LIN28B: variants seen among roughly 807,000 people sequenced by gnomAD.
LIN28B encodes lin-28 RNA binding posttranscriptional regulator B.
LIN28B carries 5 observed loss-of-function variants against 21.9 expected under a neutral mutation model. The ratio of observed to expected loss-of-function variants is 0.23; its 90% CI spans 0.12 to 0.48. The LOEUF (loss-of-function observed/expected upper bound fraction) is 0.48. Among genes scored for constraint, LIN28B ranks in the 20% least tolerant of loss-of-function variants. The probability of loss-of-function intolerance (pLI) is 0.98; values close to 1 mark genes in which losing one functional copy is unlikely to be tolerated. For missense variants in LIN28B, 245 were observed against 310.5 expected (o/e 0.79, Z 1.58); for synonymous variants, 109 against 111.3 (o/e 0.98, Z 0.13).
At chr6:105,070,473 A>C (rs1772309712) in intron 3 of LIN28B, among the ~76,000 whole-genome samples, 1 of 152,160 alleles carries the variant, frequency 6.6e-6, no homozygotes, top group Non-Finnish European at 1.5e-5. Flanking sequence ...CAGCCAGGCA[A>C]GGTGGCTAAT....
At chr6:104,980,929 A>G (rs1770209162) in intron 2 of LIN28B, among the ~76,000 whole-genome samples, 1 of 152,142 alleles carries the variant, frequency 6.6e-6, no homozygotes, top group Admixed American at 6.6e-5. Flanking sequence ...ATATTCTGCC[A>G]TATATTTTCA....
chr6:105,075,953 G>A (rs1772416569), intron 3 of LIN28B, among the ~76,000 whole-genome samples: 1 of 152,162 alleles, frequency 6.6e-6, no homozygotes, highest in South Asian at 2.1e-4. Context: ...TTTTATAGAT[G>A]GGCAACTTTA....
intron 2 of LIN28B, among the ~76,000 whole-genome samples, chr6:104,965,616 G>A (rs1769838765): frequency 6.6e-6 from 1 of 152,128 alleles, no homozygotes; most frequent in Admixed American, 6.5e-5. Flanking sequence ...TGACTTCCTG[G>A]GCTCAAGTGA....
intron 2 of LIN28B, among the ~76,000 whole-genome samples, chr6:104,980,302 G>A (rs1459438419): frequency 6.6e-6 from 1 of 152,188 alleles, no homozygotes; most frequent in Admixed American, 6.5e-5. Flanking sequence ...TTGCAGTTGA[G>A]AGAGATGAGT....
At chr6:104,957,466 A>G (rs1319029826) in intron 1 of LIN28B, among the ~76,000 whole-genome samples, 2 of 151,566 alleles carry the variant, frequency 1.3e-5, no homozygotes, top group East Asian at 3.9e-4. Flanking sequence ...GCCCACACTG[A>G]TTCACAACTT....
intron 2 of LIN28B, among the ~76,000 whole-genome samples, chr6:105,022,984 G>GT (rs1771168381): frequency 6.6e-6 from 1 of 151,118 alleles, no homozygotes; most frequent in African/African-American, 2.4e-5. Flanking sequence ...TTGGGTAAAA[G>GT]TAAGCATTGG....
At chr6:105,064,045 A>T (rs1772177194) in intron 3 of LIN28B, among the ~76,000 whole-genome samples, 1 of 152,158 alleles carries the variant, frequency 6.6e-6, no homozygotes. Context: ...CCAATAATTC[A>T]GTGTTAAAGC....
chr6:105,005,366 A>G (rs186746172), intron 2 of LIN28B, among the ~76,000 whole-genome samples: 131 of 152,200 alleles, frequency 8.6e-4, no homozygotes, highest in African/African-American at 3.0e-3. Flanking sequence ...GAAAACTCAT[A>G]TCCTTCTGTT....
chr6:104,938,803 A>G (rs1438011392), intron 2 of LIN28B, among the ~76,000 whole-genome samples: 1 of 152,136 alleles, frequency 6.6e-6, no homozygotes, highest in East Asian at 1.9e-4. Context: ...GGTACCTTAT[A>G]TGAAATAATA....
At chr6:104,967,428 A>C (rs987374287) in intron 2 of LIN28B, among the ~76,000 whole-genome samples, 1 of 151,734 alleles carries the variant, frequency 6.6e-6, no homozygotes, top group African/African-American at 2.4e-5. Context: ...AAAAATACAA[A>C]AAATTAGACA....
At chr6:104,944,413 A>C (rs893781614) in intron 2 of LIN28B, among the ~76,000 whole-genome samples, 1 of 152,162 alleles carries the variant, frequency 6.6e-6, no homozygotes, top group Non-Finnish European at 1.5e-5. Context: ...GATATTTGCA[A>C]TTTTTGATTT....
upstream of LIN28B, chr6:104,957,078 C>G (rs1410740874): frequency 1.4e-5 from 21 of 1,491,290 alleles, no homozygotes; most frequent in Non-Finnish European, 1.9e-5. Context: ...CTCAGGGGGC[C>G]AGAAACTGGA....
chr6:104,946,913 GA>G (rs1778162815), intron 2 of LIN28B, among the ~76,000 whole-genome samples: 1 of 152,068 alleles, frequency 6.6e-6, no homozygotes, highest in Non-Finnish European at 1.5e-5. Context: ...CTGGAGATGA[GA>G]ATAAGTAATG....
intron 2 of LIN28B, among the ~76,000 whole-genome samples, chr6:105,001,532 G>A (rs937391151): frequency 7.2e-5 from 11 of 152,148 alleles, no homozygotes; most frequent in South Asian, 2.1e-4. Context: ...CAGATAGTCA[G>A]TGCATTTCCA....
chr6:105,026,544 GTTTTCA>G (rs1244391514), intron 3 of LIN28B, 62 bp downstream of exon 3: 1 of 1,117,268 alleles, frequency 9.0e-7, no homozygotes, highest in Non-Finnish European at 1.3e-6. Context: ...TTCTGAAAAT[GTTTTCA>G]TCTTACTGCA....
At chr6:105,047,217 G>C (rs955496952) in intron 3 of LIN28B, among the ~76,000 whole-genome samples, 4 of 152,176 alleles carry the variant, frequency 2.6e-5, no homozygotes, top group African/African-American at 9.7e-5. Context: ...AAGGGATCCA[G>C]TTTCAGCTTT....
intron 2 of LIN28B, chr6:104,950,399 A>G: frequency 1.1e-6 from 1 of 875,846 alleles, no homozygotes; most frequent in African/African-American, 1.7e-5. Flanking sequence ...GGCCATTAGG[A>G]TGAAGAAGAG....
At chr6:105,014,213 TC>T (rs1358724916) in intron 2 of LIN28B, among the ~76,000 whole-genome samples, 66 of 152,298 alleles carry the variant, frequency 4.3e-4, no homozygotes, top group African/African-American at 1.5e-3. Context: ...AGTGGCACAA[TC>T]ACAGCTCACT....
intron 2 of LIN28B, among the ~76,000 whole-genome samples, chr6:104,987,580 C>A (rs555358462): frequency 6.6e-6 from 1 of 152,274 alleles, no homozygotes; most frequent in East Asian, 1.9e-4. Flanking sequence ...CCTGCCTTGG[C>A]CTCTCAAAGT....
Sources: allele counts gnomAD v4.1 joint callset (sites outside exome capture counted in the v4.1 genomes callset), GRCh38; gene constraint gnomAD v4.1.1; transcripts MANE v1.5; gene names NCBI Gene and HGNC (gene_info 2026-07-23, HGNC 2026-07-21).